The following RPTOR variants were observed in gnomAD, a reference collection of about 807,000 sequenced individuals.
RPTOR encodes the protein regulatory-associated protein of mTOR.
A neutral mutation model predicts 169.9 loss-of-function variants in RPTOR; 21 were observed. That is an observed-to-expected ratio of 0.12 (90% CI 0.09 to 0.18). RPTOR has a LOEUF of 0.18. Ranked by LOEUF, RPTOR falls within the 10% of genes least tolerant of loss-of-function variation. The probability of loss-of-function intolerance (pLI) is 1.00; values close to 1 mark genes in which losing one functional copy is unlikely to be tolerated. For synonymous variants in RPTOR, 732 were observed against 753.2 expected, an observed-to-expected ratio of 0.97 and a Z score of 0.46; for missense variants, 1,133 against 1,855.9, an observed-to-expected ratio of 0.61 and a Z score of 7.16.
chr17:80,823,362 A>ATTG lies in RPTOR; in HGVS notation c.1136+139_1136+140insTTG. The ATTG allele has an allele frequency of 1.1e-6, 1 of 884,792 alleles. No individual in the cohort carries two copies. Among genetic ancestry groups the ATTG allele is most frequent in the Non-Finnish European group, 1.5e-6 (1 of 648,220 alleles). The allele number at this position is 884,792 out of a possible 1,614,324, so 54.8% of individuals were successfully genotyped here. On this transcript the variant is annotated intron_variant, in intron 9 of 33. Coordinates refer to ENST00000306801, the MANE Select transcript of RPTOR (RefSeq NM_020761.3). The surrounding 1 kb of genome is among the most constrained non-coding windows in gnomAD (Gnocchi z 4.5). Reference sequence around the variant, plus strand: ...CGTGTAGCATTAACAAGTGAAGCTAAATGCAGGGCTCCCAGAGATCTCCAC... The same window carrying ATTG: ...CGTGTAGCATTAACAAGTGAAGCTAATTGATGCAGGGCTCCCAGAGATCTCCAC...
intron 4 of RPTOR, among the ~76,000 whole-genome samples, chr17:80,718,600 C>T (rs568221916): frequency 9.9e-5 from 15 of 152,190 alleles, no homozygotes; most frequent in East Asian, 3.9e-4. Flanking sequence ...GGTGCTTGCT[C>T]GGGCTGAGTC....
At chr17:80,938,901 A>G (rs868397602) in intron 24 of RPTOR, among the ~76,000 whole-genome samples, 2 of 152,104 alleles carry the variant, frequency 1.3e-5, no homozygotes, top group African/African-American at 4.8e-5. Context: ...GCACATGATA[A>G]CCACCTACAA....
At chr17:80,880,027 G>T (rs1173453147) in intron 13 of RPTOR, among the ~76,000 whole-genome samples, 1 of 152,038 alleles carries the variant, frequency 6.6e-6, no homozygotes, top group African/African-American at 2.4e-5. Flanking sequence ...GCGGGACCGG[G>T]TCTGCACCAA....
chr17:80,743,536 C>A (rs1357671752), intron 5 of RPTOR: 1 of 819,504 alleles, frequency 1.2e-6, no homozygotes, highest in Non-Finnish European at 1.5e-6. Flanking sequence ...TGAAAGAGGT[C>A]ATCAGTTCTT....
At chr17:80,885,188 G>A in intron 17 of RPTOR, 40 bp downstream of exon 17, 4 of 1,542,918 alleles carry the variant, frequency 2.6e-6, no homozygotes, top group Middle Eastern at 3.5e-4. Context: ...GGGCACCCAG[G>A]CTGGACCCCG....
chr17:80,920,570 C>T (rs1032511983), intron 21 of RPTOR, among the ~76,000 whole-genome samples: 1 of 152,134 alleles, frequency 6.6e-6, no homozygotes, highest in African/African-American at 2.4e-5. Context: ...GGTTCGTCAC[C>T]ACGGCTCCAT....
Position 80,651,895 on chromosome 17 carries a change from T to A in RPTOR, c.348+8085T>A, listed in dbSNP as rs912996962. On this transcript the variant is annotated intron_variant, in intron 3 of 33. Coordinates refer to ENST00000306801, the MANE Select transcript of RPTOR (RefSeq NM_020761.3). This position sits in a 1 kb window ranked among gnomAD's most constrained non-coding sequence, Gnocchi z 4.1. ...TGGCAGGTGCCTACTGTAGTCCCAG[T>A]TACTCAGGAGGCTGAGGCAGGAGAA... 6.6e-6 allele frequency among the ~76,000 whole-genome samples: 1 copy of A among 152,060 alleles called. No individual in the cohort carries two copies. The highest frequency in any genetic ancestry group is 2.4e-5 in the African/African-American group (1 of 41,416).
chr17:80,925,376 G>A lies in RPTOR; in HGVS notation c.2815G>A (p.Asp939Asn), dbSNP rs1390339463. Residue 939 changes from aspartate (D) to asparagine (N), a missense_variant, in exon 24 of 34, where the codon GAC (aspartate) becomes AAC (asparagine). This residue lies in a region of RPTOR where 410 missense variants were observed against 623.7 expected (regional missense o/e 0.66). Coordinates refer to ENST00000306801, the MANE Select transcript of RPTOR (RefSeq NM_020761.3). ...TCCTGCTTAAACCCTGAAGACTGCG[G>A]ACGACGCGGACGATGCTGCTGGACA... The part of the protein sequence containing the change: ...MFDKGPEQTA[D>N]DADDAAGHKS... 1 of 1,613,572 alleles carries A rather than the reference G, an allele frequency of 6.2e-7. No individual in the cohort carries two copies. Among genetic ancestry groups the A allele is most frequent in the Non-Finnish European group, 8.5e-7 (1 of 1,179,942 alleles).
intron 23 of RPTOR, 164 bp downstream of exon 23, chr17:80,923,837 T>C: frequency 2.7e-6 from 2 of 745,010 alleles, no homozygotes; most frequent in Non-Finnish European, 4.3e-6. Flanking sequence ...CAGACCCGGG[T>C]GCTGGTCCTC....
chr17:80,836,517 C>G (rs2067566455), intron 9 of RPTOR, among the ~76,000 whole-genome samples: 1 of 152,138 alleles, frequency 6.6e-6, no homozygotes, highest in Non-Finnish European at 1.5e-5. Context: ...TCACAGTGTC[C>G]TTGTAGAGCA....
At chr17:80,709,481 CCG>C (rs1223063692) in intron 4 of RPTOR, among the ~76,000 whole-genome samples, 1 of 152,260 alleles carries the variant, frequency 6.6e-6, no homozygotes, top group Non-Finnish European at 1.5e-5. Context: ...GCGCGCTCTT[CCG>C]CAGTGCGCTT....
intron 1 of RPTOR, among the ~76,000 whole-genome samples, chr17:80,625,270 ATGAT>A (rs1267515781): frequency 2.6e-5 from 4 of 152,238 alleles, no homozygotes; most frequent in Admixed American, 2.6e-4. Flanking sequence ...TTCTCATTAA[ATGAT>A]TGATGGTTTT....
chr17:80,548,402 A>G (rs1389967991), intron 1 of RPTOR, among the ~76,000 whole-genome samples: 4 of 63,270 alleles, frequency 6.3e-5, no homozygotes, highest in African/African-American at 2.3e-4. Context: ...TTTTTTTGAG[A>G]TGGAGTTTCA....
Position 80,746,383 on chromosome 17 carries a change from C to T in RPTOR, c.655-7627C>T, listed in dbSNP as rs552609379. 3.9e-5 allele frequency among the ~76,000 whole-genome samples: 6 copies of T among 152,326 alleles called. No individual in the cohort carries two copies. Among genetic ancestry groups the T allele is most frequent in the East Asian group, 1.9e-4 (1 of 5,168 alleles). ...AGCGGTGCTTTCTGCAGGGAGCGGA[C>T]GGCAGGCCTGGGGCGTGCTGCCCGC... On this transcript the variant is annotated intron_variant, in intron 5 of 33. Transcript: ENST00000306801. The surrounding 1 kb of genome is among the most constrained non-coding windows in gnomAD (Gnocchi z 4.5).
At position 80,823,037 on chromosome 17, in the gene RPTOR, C is replaced by T. The variant is rs1196620236; in HGVS notation, c.992-42C>T. 6 of 1,589,132 alleles carry T rather than the reference C, an allele frequency of 3.8e-6. No individual in the cohort carries two copies. Among genetic ancestry groups the T allele is most frequent in the Non-Finnish European group, 4.3e-6 (5 of 1,167,044 alleles). On this transcript the variant is annotated intron_variant, in intron 8 of 33. Transcript: ENST00000306801. The surrounding 1 kb of genome is among the most constrained non-coding windows in gnomAD (Gnocchi z 4.5). Reference sequence around the variant, plus strand: ...TGTATTTGGCTTTAAATGCTAGACACAAGTCACTGTAGACTCCTTTTTATC... The same window carrying T: ...TGTATTTGGCTTTAAATGCTAGACATAAGTCACTGTAGACTCCTTTTTATC...
chr17:80,551,835 C>G (rs1277329077), intron 1 of RPTOR, among the ~76,000 whole-genome samples: 3 of 152,126 alleles, frequency 2.0e-5, no homozygotes, highest in African/African-American at 7.2e-5. Flanking sequence ...GGGGAGAAAC[C>G]TTGGACAATA....
At chr17:80,796,451 G>T (rs917963029) in intron 7 of RPTOR, among the ~76,000 whole-genome samples, 2 of 152,216 alleles carry the variant, frequency 1.3e-5, no homozygotes, top group Admixed American at 6.5e-5. Context: ...GGGTAAGCAA[G>T]GCATGTCTTA....
intron 1 of RPTOR, among the ~76,000 whole-genome samples, chr17:80,550,278 A>G (rs1038111366): frequency 6.6e-5 from 10 of 152,108 alleles, no homozygotes; most frequent in African/African-American, 2.2e-4. Context: ...GCATTCCACA[A>G]TGTGGACCAT....
intron 18 of RPTOR, among the ~76,000 whole-genome samples, chr17:80,892,300 C>T (rs2068335495): frequency 6.6e-6 from 1 of 152,134 alleles, no homozygotes; most frequent in Non-Finnish European, 1.5e-5. Flanking sequence ...GCCGTCTCTG[C>T]CGTGCAGGGG....
Sources: gnomAD v4.1 joint callset for allele counts (sites outside exome capture counted in the v4.1 genomes callset) on GRCh38, gnomAD v4.1.1 for gene constraint, gnomAD v4.1.1 regional missense constraint, Gnocchi (gnomAD v3.1) non-coding constraint, MANE v1.5 for transcripts, NCBI Gene and HGNC (gene_info 2026-07-23, HGNC 2026-07-21) for gene names.